UNC80: variants seen among roughly 807,000 people sequenced by gnomAD.
UNC80 encodes the protein unc-80 subunit of NALCN channel complex.
In UNC80, 164 loss-of-function variants were observed where a neutral mutation model predicts 384.6. The ratio of observed to expected loss-of-function variants is 0.43; its 90% CI spans 0.38 to 0.49. The LOEUF (loss-of-function observed/expected upper bound fraction) is 0.49. Among genes scored for constraint, UNC80 ranks in the 20% least tolerant of loss-of-function variants. The pLI is 0.00. For synonymous variants in UNC80, 1,486 were observed against 1,527.8 expected, an observed-to-expected ratio of 0.97 and a Z score of 0.64; for missense variants, 3,330 against 4,143.0, an observed-to-expected ratio of 0.80 and a Z score of 5.39.
At chr2:209,937,082 T>C (rs1230954428) in intron 41 of UNC80, 149 bp downstream of exon 41, 3 of 610,602 alleles carry the variant, frequency 4.9e-6, no homozygotes, top group Non-Finnish European at 2.9e-6. Context: ...AATGGGGCTT[T>C]TGACTGGCGA....
intron 36 of UNC80, among the ~76,000 whole-genome samples, chr2:209,929,253 T>G (rs2090663673): frequency 6.6e-6 from 1 of 152,204 alleles, no homozygotes; most frequent in Non-Finnish European, 1.5e-5. Context: ...CCCACTTGCT[T>G]TCTTAGTCTG....
Position 209,900,128 on chromosome 2 carries a change from T to C in UNC80, c.4581+3715T>C, listed in dbSNP as rs867136805. 5.3e-5 allele frequency among the ~76,000 whole-genome samples: 8 copies of C among 152,350 alleles called. 1 individual carries two copies. In the Middle Eastern group the frequency reaches 0.024, roughly 453 times the overall value. ...CCTTCATCCTGACTGCCTCACTGTCTTATGCATTCAAATATGTATATTTAT... is the reference window on the plus strand; with the variant it reads ...CCTTCATCCTGACTGCCTCACTGTCCTATGCATTCAAATATGTATATTTAT... On this transcript the variant is annotated intron_variant, in intron 28 of 64. Coordinates refer to ENST00000673920, the MANE Select transcript of UNC80 (RefSeq NM_001371986.1).
rs2093496989 is a variant in UNC80 at position 209,997,258 on chromosome 2, A to C, written c.*1663A>C. On this transcript the variant is annotated 3_prime_UTR_variant, in exon 65 of 65. Transcript: ENST00000673920. ...ATTGAGGCAGTAAATGACCTCTTTT[A>C]CTCTTTTATGTTTTACAATATTATC... 1 of 152,118 alleles carries C rather than the reference A, an allele frequency of 6.6e-6. No homozygotes were observed. Among genetic ancestry groups the C allele is most frequent in the Non-Finnish European group, 1.5e-5 (1 of 68,010 alleles). The allele number at this position is 152,118 out of a possible 1,614,324, so 9.4% of individuals were successfully genotyped here.
chr2:209,886,513 T>C lies in UNC80; in HGVS notation c.4111-1582T>C, dbSNP rs142703573. Among the ~76,000 whole-genome samples, 287 of 152,292 alleles carry C rather than the reference T, an allele frequency of 1.9e-3. 1 individual carries two copies. Among genetic ancestry groups the C allele is most frequent in the African/African-American group, 6.5e-3 (269 of 41,552 alleles). On this transcript the variant is annotated intron_variant, in intron 25 of 64. Transcript: ENST00000673920. ...TCACAGGACAAGTCAAATTCTCAAT[T>C]TGGGGCCTCAGAGACCAAACTTCTA...
chr2:209,932,522 C>G (rs567597733), intron 38 of UNC80, among the ~76,000 whole-genome samples: 2 of 152,196 alleles, frequency 1.3e-5, no homozygotes, highest in South Asian at 4.1e-4. Context: ...GCCCCTTCCC[C>G]AGGTCACTGA....
In UNC80 at chr2:209,771,990, G is replaced by C. The variant is rs1339286417; in HGVS notation, c.-83G>C. On this transcript the variant is annotated 5_prime_UTR_variant, in exon 1 of 65. Coordinates refer to ENST00000673920, the MANE Select transcript of UNC80 (RefSeq NM_001371986.1). ...CTCGGGGAAGGAGGGGATGAGAGTT[G>C]GGAGCAGCGGGAGGAGGCGGCGGCG... is the stretch of plus-strand genomic sequence containing the variant. 1 of 1,002,078 alleles carries C rather than the reference G, an allele frequency of 1.0e-6. No individual in the cohort carries two copies. Among genetic ancestry groups the C allele is most frequent in the African/African-American group, 1.6e-5 (1 of 61,436 alleles). 62.1% of individuals were successfully genotyped at this position (1,002,078 alleles called of 1,614,324 possible). A position where few individuals can be genotyped will look rare whatever the true frequency, so the allele number is the denominator to read the frequency against.
At chr2:209,936,725 A>C in intron 40 of UNC80, 119 bp from the exon 41 acceptor site, 1 of 669,350 alleles carries the variant, frequency 1.5e-6, no homozygotes, top group Non-Finnish European at 2.7e-6. Flanking sequence ...ATCAATATAT[A>C]CAGATAATTC....
intron 28 of UNC80, among the ~76,000 whole-genome samples, chr2:209,901,797 C>T (rs192071739): frequency 1.3e-5 from 2 of 152,070 alleles, no homozygotes; most frequent in Middle Eastern, 3.4e-3. Flanking sequence ...GGCGTGGTGA[C>T]GGGCACCTGT....
chr2:209,865,946 C>T (rs2083718968), intron 22 of UNC80, among the ~76,000 whole-genome samples: 1 of 152,168 alleles, frequency 6.6e-6, no homozygotes. Context: ...GATATTATCT[C>T]ATTCCTTTCT....
rs1207790605 is a variant in UNC80 at position 209,819,017 on chromosome 2, C to T, written c.1718C>T (p.Thr573Ile). The T allele has an allele frequency of 6.4e-7, 1 of 1,551,716 alleles. No homozygotes were observed. Among genetic ancestry groups the T allele is most frequent in the South Asian group, 1.2e-5 (1 of 84,060 alleles). The stretch of plus-strand genomic sequence containing the variant: ...GTGCGATCTCAGATCTCCACCATCA[C>T]AGTTGCGACCTTCAATACCACTTTG... ...KEVRSQISTI[T>I]VATFNTTLAS... The change falls in exon 12 of 65, where the codon ACA becomes ATA. Residue 573 changes from threonine to isoleucine, a missense_variant. By Grantham distance (89) the Thr-to-Ile change is moderately conservative. Around this residue, in one of 8 missense-constraint regions of UNC80, gnomAD observed 937 missense variants for 1,026.8 expected, o/e 0.91. Coordinates refer to ENST00000673920, the MANE Select transcript of UNC80 (RefSeq NM_001371986.1).
At chr2:209,808,767 T>TTCTGCGACCTCGTTGCC (rs2079104027) in intron 7 of UNC80, 1 of 58,574 alleles carries the variant, frequency 1.7e-5, no homozygotes, top group Admixed American at 3.6e-4. Context: ...CCTGCGCTAC[T>TTCTGCGACCTCGTTGCC]TCTGCGCTAC....
intron 18 of UNC80, among the ~76,000 whole-genome samples, chr2:209,838,313 A>C (rs1207815832): frequency 6.9e-6 from 1 of 145,310 alleles, no homozygotes; most frequent in Non-Finnish European, 1.5e-5. Flanking sequence ...TTTATTGAGT[A>C]AAAATAAAGA....
chr2:209,864,464 C>G (rs2083567922), intron 22 of UNC80, among the ~76,000 whole-genome samples: 1 of 152,186 alleles, frequency 6.6e-6, no homozygotes, highest in Non-Finnish European at 1.5e-5. Flanking sequence ...AGAGGAAAGG[C>G]TAAGTCTGCT....
intron 1 of UNC80, among the ~76,000 whole-genome samples, chr2:209,772,606 TC>T (rs1219940756): frequency 6.6e-6 from 1 of 151,964 alleles, no homozygotes; most frequent in Middle Eastern, 3.2e-3. Context: ...CAGATTAATC[TC>T]CCCAGTTAAA....
rs757265328 is a variant in UNC80, at chr2:209,978,744, G to T, written c.9118+36G>T. 1.7e-5 allele frequency: 25 copies of T among 1,469,006 alleles called. No individual in the cohort carries two copies. In the African/African-American group the frequency reaches 3.3e-4, roughly 20 times the overall value. The allele number at this position is 1,469,006 out of a possible 1,614,324, so 91.0% of individuals were successfully genotyped here. ...CCAGAGAATCTGGGCAGTAGACATG[G>T]CCTGGCCATACGAGCAGGGGCTTGG... On this transcript the variant is annotated intron_variant, in intron 59 of 64. Coordinates refer to ENST00000673920, the MANE Select transcript of UNC80 (RefSeq NM_001371986.1).
At chr2:209,844,418 CTT>C (rs1219689900) in intron 21 of UNC80, among the ~76,000 whole-genome samples, 1 of 149,148 alleles carries the variant, frequency 6.7e-6, no homozygotes, top group African/African-American at 2.5e-5. Flanking sequence ...TTCCTTCTCT[CTT>C]TCTTTCTCTT....
chr2:209,938,411 T>C (rs555016740), intron 42 of UNC80, among the ~76,000 whole-genome samples: 1 of 152,294 alleles, frequency 6.6e-6, no homozygotes, highest in South Asian at 2.1e-4. Flanking sequence ...CTTCAAAATA[T>C]CCAAAAATAT....
intron 16 of UNC80, among the ~76,000 whole-genome samples, chr2:209,831,877 A>G (rs1219590818): frequency 6.6e-6 from 1 of 152,202 alleles, no homozygotes. Flanking sequence ...TGAGCCCTTC[A>G]GAAAGTTTCT....
chr2:209,804,822 G>T (rs558867568), intron 7 of UNC80, among the ~76,000 whole-genome samples: 61 of 150,570 alleles, frequency 4.1e-4, no homozygotes, highest in Non-Finnish European at 2.2e-4. Context: ...CTGGAGTGTA[G>T]TGGCGCAATC....
Sources: gnomAD v4.1 joint callset for allele counts (sites outside exome capture counted in the v4.1 genomes callset) on GRCh38, gnomAD v4.1.1 for gene constraint, gnomAD v4.1.1 regional missense constraint, MANE v1.5 for transcripts, NCBI Gene and HGNC (gene_info 2026-07-23, HGNC 2026-07-21) for gene names.